Variants in ZNF431 observed in about 807,000 individuals in gnomAD.
The protein encoded by ZNF431 is zinc finger protein 431.
Under a neutral mutation model 57.0 loss-of-function variants are expected in ZNF431, and 34 were observed. The ratio of observed to expected loss-of-function variants is 0.60; its 90% CI spans 0.45 to 0.79. ZNF431 has a LOEUF of 0.79. Ranked by LOEUF, ZNF431 falls within the 30% of genes least tolerant of loss-of-function variation. The pLI is 0.00. For synonymous variants in ZNF431, 207 were observed against 220.3 expected (o/e 0.94, Z 0.54); for missense variants, 607 against 667.1 (o/e 0.91, Z 0.99).
chr19:21,144,391 A>G (rs1469935398), intron 2 of ZNF431, among the ~76,000 whole-genome samples: 1 of 151,618 alleles, frequency 6.6e-6, no homozygotes, highest in African/African-American at 2.4e-5. Flanking sequence ...TTTAGTAGAG[A>G]CAGGGTTTCA....
At chr19:21,150,992 C>T (rs1315858945) in intron 2 of ZNF431, 1 of 152,150 alleles carries the variant, frequency 6.6e-6, no homozygotes, top group East Asian at 1.9e-4. Context: ...CCAAGGTGTC[C>T]CAGGCTGTTA....
intron 2 of ZNF431, among the ~76,000 whole-genome samples, chr19:21,162,096 C>T (rs1464842431): frequency 6.6e-6 from 1 of 151,612 alleles, no homozygotes; most frequent in Non-Finnish European, 1.5e-5. Flanking sequence ...TGTGCCTCAG[C>T]CTCCCAAGTA....
intron 4 of ZNF431, among the ~76,000 whole-genome samples, chr19:21,179,225 A>AT (rs1429850798): frequency 6.6e-6 from 1 of 151,910 alleles, no homozygotes; most frequent in East Asian, 1.9e-4. Context: ...CCCCTTTATC[A>AT]TTTTTTATTG....
rs1971387019 is a variant in ZNF431, at chr19:21,186,931, A to T, written c.*2897A>T. The T allele has an allele frequency of 2.6e-5, 4 of 152,158 alleles. No homozygotes were observed. The highest frequency in any genetic ancestry group is 2.6e-4 in the Admixed American group (4 of 15,272). The allele number at this position is 152,158 out of a possible 1,614,324, so 9.4% of individuals were successfully genotyped here. A position where few individuals can be genotyped will look rare whatever the true frequency, so the allele number is the denominator to read the frequency against. ...TTCACTTTTTATAATTGACATAAGC[A>T]TATTTATTGAGTCAATTTGTTCAGC... is the stretch of plus-strand genomic sequence containing the variant. On this transcript the variant is annotated 3_prime_UTR_variant, in exon 5 of 5. Transcript: ENST00000311048.
rs1215244176 is a variant in ZNF431 at position 21,190,450 on chromosome 19, C to G, written c.*6416C>G. 1 of 152,168 alleles carries G rather than the reference C, an allele frequency of 6.6e-6. No individual in the cohort carries two copies. The highest frequency in any genetic ancestry group is 1.5e-5 in the Non-Finnish European group (1 of 68,028). The allele number at this position is 152,168 out of a possible 1,614,324, so 9.4% of individuals were successfully genotyped here. On this transcript the variant is annotated 3_prime_UTR_variant, in exon 5 of 5. Transcript: ENST00000311048. ...CTATCCTCATTTACGTTCACACCAA[C>G]AGTGTGCAAGGATTCCGTTTTCTTC... is the stretch of plus-strand genomic sequence containing the variant.
chr19:21,162,148 G>C, intron 2 of ZNF431, among the ~76,000 whole-genome samples: 1 of 22,344 alleles, frequency 4.5e-5, no homozygotes, highest in South Asian at 2.4e-3. Context: ...AGCTAATTGT[G>C]TGTGTGTGTG....
rs1375874111 is a variant in ZNF431, at chr19:21,191,305, T to G, written c.*7271T>G. ...CTGTCTCTACTAAAAATACAAATAT[T>G]AGCCGGGCGTGGTTGCACGTGTCTA... On this transcript the variant is annotated 3_prime_UTR_variant, in exon 5 of 5. Coordinates refer to ENST00000311048, the MANE Select transcript of ZNF431 (RefSeq NM_133473.4). The G allele has an allele frequency of 6.6e-6, 1 of 152,040 alleles. No individual in the cohort carries two copies. Among genetic ancestry groups the G allele is most frequent in the Non-Finnish European group, 1.5e-5 (1 of 68,038 alleles). The allele number at this position is 152,040 out of a possible 1,614,324, so 9.4% of individuals were successfully genotyped here.
chr19:21,187,879 C>CACATG lies in ZNF431; in HGVS notation c.*3846_*3850dup. 1 of 152,278 alleles carries CACATG rather than the reference C, an allele frequency of 6.6e-6. No individual in the cohort carries two copies. Among genetic ancestry groups the CACATG allele is most frequent in the Admixed American group, 6.5e-5 (1 of 15,296 alleles). The allele number at this position is 152,278 out of a possible 1,614,324, so 9.4% of individuals were successfully genotyped here. On this transcript the variant is annotated 3_prime_UTR_variant, in exon 5 of 5. Transcript: ENST00000311048. ...CTGTTGTCTTCATGCCATTTCATTT[C>CACATG]ACATGGTACTTTGTAGATTTTGATG...
At chr19:21,173,798 A>AT (rs1478701968) in intron 4 of ZNF431, among the ~76,000 whole-genome samples, 2 of 152,092 alleles carry the variant, frequency 1.3e-5, no homozygotes, top group Non-Finnish European at 2.9e-5. Flanking sequence ...AGGTGCTGGG[A>AT]TTACATGCGT....
At chr19:21,143,444 T>C (rs1969996605) in intron 1 of ZNF431, 107 bp from the exon 2 acceptor site, 1 of 869,942 alleles carries the variant, frequency 1.1e-6, no homozygotes, top group Non-Finnish European at 1.9e-6. Flanking sequence ...AGTTTTTTTC[T>C]GGTCGTGGGT....
At chr19:21,168,497 G>A (rs983634367) in intron 4 of ZNF431, among the ~76,000 whole-genome samples, 3 of 151,960 alleles carry the variant, frequency 2.0e-5, no homozygotes, top group Non-Finnish European at 4.4e-5. Flanking sequence ...CTTCTGAGTA[G>A]CTGGGACTAC....
Position 21,194,134 on chromosome 19 carries a change from T to C in ZNF431, c.*10100T>C, listed in dbSNP as rs1397161311. ...TTTAAGGATTTTACCAAAAGACTCCTAAGGTTAAAAATGACTTCAGCAAAG... is the reference window on the plus strand; with the variant it reads ...TTTAAGGATTTTACCAAAAGACTCCCAAGGTTAAAAATGACTTCAGCAAAG... On this transcript the variant is annotated 3_prime_UTR_variant, in exon 5 of 5. Transcript: ENST00000311048. 1 of 152,218 alleles carries C rather than the reference T, an allele frequency of 6.6e-6. No individual in the cohort carries two copies. The highest frequency in any genetic ancestry group is 1.5e-5 in the Non-Finnish European group (1 of 68,042). The allele number at this position is 152,218 out of a possible 1,614,324, so 9.4% of individuals were successfully genotyped here. A position where few individuals can be genotyped will look rare whatever the true frequency, so the allele number is the denominator to read the frequency against.
chr19:21,153,283 T>G (rs1970326350), intron 2 of ZNF431, among the ~76,000 whole-genome samples: 1 of 152,146 alleles, frequency 6.6e-6, no homozygotes, highest in Non-Finnish European at 1.5e-5. Context: ...ACCTCCTATC[T>G]CATCTTGTGA....
At chr19:21,175,088 C>T (rs1323481372) in intron 4 of ZNF431, among the ~76,000 whole-genome samples, 1 of 152,106 alleles carries the variant, frequency 6.6e-6, no homozygotes, top group Non-Finnish European at 1.5e-5. Flanking sequence ...AAGTCTCACT[C>T]TGTCATCCAG....
At chr19:21,178,042 G>T (rs527385740) in intron 4 of ZNF431, among the ~76,000 whole-genome samples, 1 of 152,162 alleles carries the variant, frequency 6.6e-6, no homozygotes, top group East Asian at 1.9e-4. Context: ...CACTTCCCTT[G>T]TTAGATTTAC....
intron 2 of ZNF431, among the ~76,000 whole-genome samples, chr19:21,148,855 G>A (rs1599575736): frequency 6.6e-6 from 1 of 152,120 alleles, no homozygotes; most frequent in Admixed American, 6.5e-5. Context: ...TAATAGTTAG[G>A]GGGTGTGGCT....
intron 2 of ZNF431, among the ~76,000 whole-genome samples, chr19:21,165,651 C>T (rs1016822668): frequency 3.9e-5 from 6 of 151,950 alleles, no homozygotes; most frequent in Admixed American, 3.9e-4. Flanking sequence ...TATCTTTATA[C>T]AGCTAATGTG....
Position 21,183,721 on chromosome 19 carries a change from C to T in ZNF431, c.1418C>T (p.Thr473Ile), listed in dbSNP as rs1268117423. Residue 473 changes from threonine to isoleucine, a missense_variant, in exon 5 of 5, where the codon ACA becomes ATA. Transcript: ENST00000311048. ...KAFSQSSILT[T>I]HKRIHTGEKP... ...TTTAGCCAGTCATCAATCCTTACTA[C>T]ACATAAGAGAATTCACACTGGAGAG... 1 of 1,611,254 alleles carries T rather than the reference C, an allele frequency of 6.2e-7. No homozygotes were observed.
chr19:21,170,641 CTTTTCTTTTCTTTTCTTTTTT>C (rs1970859252), intron 4 of ZNF431, among the ~76,000 whole-genome samples: 1 of 150,860 alleles, frequency 6.6e-6, no homozygotes, highest in African/African-American at 2.4e-5. Context: ...TAATTTCTTT[CTTTTCTTTTCTTTTCTTTTTT>C]TTTTCTTTTC....
Sources: gnomAD v4.1 joint callset for allele counts (sites outside exome capture counted in the v4.1 genomes callset) on GRCh38, gnomAD v4.1.1 for gene constraint, MANE v1.5 for transcripts, NCBI Gene and HGNC (gene_info 2026-07-23, HGNC 2026-07-21) for gene names.